Variants in EPHA5 observed in about 807,000 individuals in gnomAD.
EPHA5 encodes the protein EPH receptor A5, also known as ephrin type-A receptor 5.
In EPHA5, 60 loss-of-function variants were observed where a neutral mutation model predicts 105.0. The observed-to-expected ratio is 0.57, with a 90% CI of 0.46 to 0.71. The LOEUF (loss-of-function observed/expected upper bound fraction) is 0.71, where lower values mean the gene tolerates loss of function less well. Among genes scored for constraint, EPHA5 ranks in the 30% least tolerant of loss-of-function variants. The pLI, the probability that EPHA5 is intolerant of heterozygous loss-of-function variation, is 0.00. For synonymous variants in EPHA5, 513 were observed against 449.1 expected, an observed-to-expected ratio of 1.14 and a Z score of -1.80; for missense variants, 1,218 against 1,274.7, an observed-to-expected ratio of 0.96 and a Z score of 0.68.
At chr4:65,436,545 A>G (rs1253551946) in intron 5 of EPHA5, among the ~76,000 whole-genome samples, 3 of 152,026 alleles carry the variant, frequency 2.0e-5, no homozygotes, top group African/African-American at 7.2e-5. Context: ...TCAGAGACAG[A>G]TAAAACAAAA....
chr4:65,472,395 G>A (rs1729373492), intron 5 of EPHA5, among the ~76,000 whole-genome samples: 1 of 152,166 alleles, frequency 6.6e-6, no homozygotes. Flanking sequence ...AGATCCACTA[G>A]CCAGTTCCCC....
At chr4:65,498,818 G>GA (rs945554273) in intron 3 of EPHA5, among the ~76,000 whole-genome samples, 26 of 151,252 alleles carry the variant, frequency 1.7e-4, no homozygotes, top group African/African-American at 3.9e-4. Context: ...TGTTTAGAGA[G>GA]AAAAAAAACC....
chr4:65,661,884 T>C (rs1749587327), intron 1 of EPHA5, among the ~76,000 whole-genome samples: 1 of 152,202 alleles, frequency 6.6e-6, no homozygotes, highest in African/African-American at 2.4e-5. Flanking sequence ...AGAGATGTCT[T>C]ACAAACTTCT....
intron 11 of EPHA5, among the ~76,000 whole-genome samples, chr4:65,362,965 A>G (rs1717477216): frequency 6.6e-6 from 1 of 151,684 alleles, no homozygotes; most frequent in Non-Finnish European, 1.5e-5. Flanking sequence ...GACTTCAAAA[A>G]TTGTCATGTA....
intron 14 of EPHA5, among the ~76,000 whole-genome samples, chr4:65,341,862 C>G (rs906175688): frequency 2.6e-5 from 4 of 151,990 alleles, no homozygotes; most frequent in Non-Finnish European, 4.4e-5. Context: ...AGATATGAAG[C>G]TCCCTACAAA....
At chr4:65,563,487 G>T (rs180828039) in intron 3 of EPHA5, among the ~76,000 whole-genome samples, 1 of 152,102 alleles carries the variant, frequency 6.6e-6, no homozygotes, top group East Asian at 1.9e-4. Flanking sequence ...CAGGTAACAA[G>T]AAATTACATA....
intron 8 of EPHA5, among the ~76,000 whole-genome samples, chr4:65,381,542 A>G (rs1719563746): frequency 6.6e-6 from 1 of 151,854 alleles, no homozygotes; most frequent in African/African-American, 2.4e-5. Context: ...AGTGATTAAA[A>G]AGAATTTAAA....
intron 14 of EPHA5, among the ~76,000 whole-genome samples, chr4:65,340,603 T>G (rs921128749): frequency 2.6e-5 from 4 of 152,076 alleles, no homozygotes; most frequent in African/African-American, 9.7e-5. Context: ...AGGGGGAGGA[T>G]AAGGACCAGG....
chr4:65,530,845 A>T (rs1235634294), intron 3 of EPHA5, among the ~76,000 whole-genome samples: 1 of 152,094 alleles, frequency 6.6e-6, no homozygotes, highest in African/African-American at 2.4e-5. Flanking sequence ...TCTATATTGG[A>T]TGTAACAGTG....
chr4:65,492,221 G>C (rs1262608983), intron 4 of EPHA5, among the ~76,000 whole-genome samples: 1 of 151,212 alleles, frequency 6.6e-6, no homozygotes, highest in Non-Finnish European at 1.5e-5. Flanking sequence ...ATTTATTTAG[G>C]GACAGAGTCT....
chr4:65,555,699 CAA>C (rs1738368857), intron 3 of EPHA5, among the ~76,000 whole-genome samples: 1 of 145,010 alleles, frequency 6.9e-6, no homozygotes, highest in Non-Finnish European at 1.5e-5. Flanking sequence ...AATATTGTGA[CAA>C]GTGACAGTAA....
At chr4:65,500,668 T>A (rs1363968052) in intron 3 of EPHA5, among the ~76,000 whole-genome samples, 1 of 151,050 alleles carries the variant, frequency 6.6e-6, no homozygotes. Flanking sequence ...TAACTAAGTA[T>A]ATTCACTTCA....
At chr4:65,518,367 T>C (rs1466798666) in intron 3 of EPHA5, among the ~76,000 whole-genome samples, 2 of 151,960 alleles carry the variant, frequency 1.3e-5, no homozygotes, top group African/African-American at 4.8e-5. Context: ...TTAGCTTTTA[T>C]GTTTCATTTT....
chr4:65,573,383 C>G, intron 3 of EPHA5: 2 of 895,032 alleles, frequency 2.2e-6, no homozygotes, highest in South Asian at 3.8e-5. Flanking sequence ...TGCACTCCAG[C>G]CTGGGTGACC....
In EPHA5 at chr4:65,517,477, G is replaced by A. The variant is rs1415449163; in HGVS notation, c.911-21934C>T. On this transcript the variant is annotated intron_variant, in intron 3 of 16. Transcript: ENST00000613740. ...TTTTGATTTCTTATTGTACTCTAATGATCTGCACCTTTTAATTGTAGAATT... is the reference window on the plus strand; with the variant it reads ...TTTTGATTTCTTATTGTACTCTAATAATCTGCACCTTTTAATTGTAGAATT... Among the ~76,000 whole-genome samples the A allele has an allele frequency of 2.6e-5, 4 of 151,642 alleles. No homozygotes were observed. The Admixed American group carries it at 2.6e-4, about 10-fold the overall frequency.
At chr4:65,387,782 T>C (rs1720254934) in intron 8 of EPHA5, among the ~76,000 whole-genome samples, 1 of 151,996 alleles carries the variant, frequency 6.6e-6, no homozygotes, top group Admixed American at 6.6e-5. Flanking sequence ...TTATTACATA[T>C]TTGTCCATCT....
intron 5 of EPHA5, among the ~76,000 whole-genome samples, chr4:65,478,737 G>C (rs4466097): frequency 0.4 from 60,238 of 151,986 alleles, 12,189 homozygotes; most frequent in East Asian, 0.48. Flanking sequence ...CTCCCAAAGT[G>C]CTAGGATTGT....
intron 5 of EPHA5, among the ~76,000 whole-genome samples, chr4:65,478,590 G>T (rs1441850214): frequency 2.0e-5 from 3 of 151,970 alleles, no homozygotes; most frequent in Non-Finnish European, 1.5e-5. Flanking sequence ...TCATGCCTCA[G>T]CCTCCTGAGT....
intron 3 of EPHA5, chr4:65,573,393 C>G (rs548981973): frequency 2.1e-6 from 2 of 973,144 alleles, no homozygotes; most frequent in African/African-American, 2.0e-5. Context: ...CCTGGGTGAC[C>G]GAGCCAGACT....
Sources: gnomAD v4.1 joint callset for allele counts (sites outside exome capture counted in the v4.1 genomes callset) on GRCh38, gnomAD v4.1.1 for gene constraint, MANE v1.5 for transcripts, NCBI Gene and HGNC (gene_info 2026-07-23, HGNC 2026-07-21) for gene names.